The following B3GLCT variants were observed in gnomAD, a reference collection of about 807,000 sequenced individuals.
The protein encoded by B3GLCT is beta-1,3-glucosyltransferase.
Under a neutral mutation model 63.4 loss-of-function variants are expected in B3GLCT, and 65 were observed. That is an observed-to-expected ratio of 1.03 (90% CI 0.84 to 1.26). The LOEUF (loss-of-function observed/expected upper bound fraction) is 1.26, where lower values mean the gene tolerates loss of function less well. Ranked by LOEUF, B3GLCT falls within the 50% of genes most tolerant of loss-of-function variation. The pLI, the probability that B3GLCT is intolerant of heterozygous loss-of-function variation, is 0.00. For synonymous variants in B3GLCT, 233 were observed against 219.2 expected, an observed-to-expected ratio of 1.06 and a Z score of -0.55; for missense variants, 577 against 604.8, an observed-to-expected ratio of 0.95 and a Z score of 0.48.
At chr13:31,208,217 A>C (rs1426539849) in intron 1 of B3GLCT, among the ~76,000 whole-genome samples, 1 of 152,022 alleles carries the variant, frequency 6.6e-6, no homozygotes. Context: ...GTGCAGCTTT[A>C]AGGAGAGAGT....
At chr13:31,289,331 A>G (rs1159145754) in intron 12 of B3GLCT, among the ~76,000 whole-genome samples, 2 of 152,166 alleles carry the variant, frequency 1.3e-5, no homozygotes, top group Non-Finnish European at 2.9e-5. Context: ...CTACTGAAGG[A>G]CATAATTGAT....
At chr13:31,318,311 G>A (rs150831199) in intron 13 of B3GLCT, among the ~76,000 whole-genome samples, 2 of 152,146 alleles carry the variant, frequency 1.3e-5, no homozygotes, top group Non-Finnish European at 2.9e-5. Context: ...TCACTCAGTA[G>A]ATATTTGTTG....
intron 3 of B3GLCT, among the ~76,000 whole-genome samples, chr13:31,226,601 T>A (rs1219764450): frequency 6.6e-6 from 1 of 151,800 alleles, no homozygotes; most frequent in East Asian, 1.9e-4. Context: ...GCTTTTTTTT[T>A]ATTTTTATTT....
At chr13:31,236,514 G>C (rs1337551192) in intron 4 of B3GLCT, among the ~76,000 whole-genome samples, 1 of 152,160 alleles carries the variant, frequency 6.6e-6, no homozygotes, top group Admixed American at 6.5e-5. Context: ...GTAGAGCCTA[G>C]ACTAAAGCAA....
At chr13:31,241,570 G>A (rs1254155312) in intron 4 of B3GLCT, among the ~76,000 whole-genome samples, 2 of 152,220 alleles carry the variant, frequency 1.3e-5, no homozygotes, top group Non-Finnish European at 2.9e-5. Flanking sequence ...CTAGTTGGGG[G>A]AGCAGGTCAT....
intron 4 of B3GLCT, among the ~76,000 whole-genome samples, chr13:31,231,453 A>G (rs1482666866): frequency 6.6e-6 from 1 of 151,998 alleles, no homozygotes; most frequent in Non-Finnish European, 1.5e-5. Context: ...TCCCCATTTA[A>G]TCCATACCAG....
intron 7 of B3GLCT, among the ~76,000 whole-genome samples, chr13:31,268,291 AG>A (rs2137844228): frequency 6.6e-6 from 1 of 152,344 alleles, no homozygotes; most frequent in East Asian, 1.9e-4. Flanking sequence ...CTCCCTCGTT[AG>A]CTTTGAATCA....
At chr13:31,249,386 C>T (rs918070811) in intron 6 of B3GLCT, among the ~76,000 whole-genome samples, 1 of 150,688 alleles carries the variant, frequency 6.6e-6, no homozygotes, top group Non-Finnish European at 1.5e-5. Context: ...CTCATCCAGT[C>T]TTTTCAGATG....
At chr13:31,298,117 C>T (rs1874048154) in intron 12 of B3GLCT, among the ~76,000 whole-genome samples, 1 of 152,198 alleles carries the variant, frequency 6.6e-6, no homozygotes, top group Non-Finnish European at 1.5e-5. Context: ...ACTCTCTAAT[C>T]ATGCCTTTGC....
intron 10 of B3GLCT, among the ~76,000 whole-genome samples, chr13:31,283,720 A>T (rs1873180629): frequency 6.6e-6 from 1 of 152,186 alleles, no homozygotes; most frequent in Non-Finnish European, 1.5e-5. Flanking sequence ...CTTAAATTTT[A>T]CATTGGAACA....
At chr13:31,285,052 G>A (rs1223876286) in intron 11 of B3GLCT, among the ~76,000 whole-genome samples, 1 of 152,110 alleles carries the variant, frequency 6.6e-6, no homozygotes, top group African/African-American at 2.4e-5. Flanking sequence ...ATGATGGGGT[G>A]TTTATTATAT....
At chr13:31,257,963 A>G (rs777400551) in intron 6 of B3GLCT, among the ~76,000 whole-genome samples, 6 of 152,170 alleles carry the variant, frequency 3.9e-5, no homozygotes, top group Non-Finnish European at 8.8e-5. Context: ...TTCAGGGGAG[A>G]TAAGCAATAG....
intron 3 of B3GLCT, among the ~76,000 whole-genome samples, chr13:31,226,027 A>G (rs897445648): frequency 6.6e-6 from 1 of 152,192 alleles, no homozygotes; most frequent in Non-Finnish European, 1.5e-5. Context: ...GACTGCAGAG[A>G]TACCACAGGC....
At chr13:31,272,784 G>GGAAAC (rs1229725434) in intron 8 of B3GLCT, among the ~76,000 whole-genome samples, 1 of 151,894 alleles carries the variant, frequency 6.6e-6, no homozygotes, top group Non-Finnish European at 1.5e-5. Flanking sequence ...TTTTCACCCT[G>GGAAAC]GAAACTTAGA....
intron 1 of B3GLCT, among the ~76,000 whole-genome samples, chr13:31,209,182 G>C (rs1869134838): frequency 6.6e-6 from 1 of 152,240 alleles, no homozygotes; most frequent in African/African-American, 2.4e-5. Context: ...TACCCAGCTT[G>C]TCTGCTACTG....
intron 6 of B3GLCT, among the ~76,000 whole-genome samples, chr13:31,248,517 G>A (rs571184851): frequency 3.9e-5 from 6 of 152,258 alleles, no homozygotes; most frequent in African/African-American, 1.4e-4. Flanking sequence ...TATAACAGGG[G>A]CATGGAATCT....
intron 10 of B3GLCT, among the ~76,000 whole-genome samples, chr13:31,281,272 C>A (rs1013216962): frequency 2.6e-5 from 4 of 151,904 alleles, no homozygotes; most frequent in Non-Finnish European, 5.9e-5. Context: ...ATATTCCTTT[C>A]AGATTAAAAA....
chr13:31,221,666 G>A (rs1167919054), intron 2 of B3GLCT, among the ~76,000 whole-genome samples: 1 of 152,186 alleles, frequency 6.6e-6, no homozygotes, highest in Non-Finnish European at 1.5e-5. Context: ...TCTCTTCCCC[G>A]AGTGTTGTCA....
rs117820306 is a variant in B3GLCT at position 31,277,513 on chromosome 13, G to A, written c.850+742G>A. Among the ~76,000 whole-genome samples the A allele has an allele frequency of 1.6e-3, 250 of 152,024 alleles. 1 individual carries two copies. Among genetic ancestry groups the A allele is most frequent in the African/African-American group, 5.4e-3 (224 of 41,498 alleles). ...CTTTTGCATTTTCTAATTTTAGTGC[G>A]TATTTTAATTTTTTTCCCCATGAAA... On this transcript the variant is annotated intron_variant, in intron 10 of 14. Coordinates refer to ENST00000343307, the MANE Select transcript of B3GLCT (RefSeq NM_194318.4).
Sources: allele counts gnomAD v4.1 joint callset (sites outside exome capture counted in the v4.1 genomes callset), GRCh38; gene constraint gnomAD v4.1.1; transcripts MANE v1.5; gene names NCBI Gene and HGNC (gene_info 2026-07-23, HGNC 2026-07-21).